SDCCAG8: variants seen among roughly 807,000 people sequenced by gnomAD.
SDCCAG8 encodes SHH signaling and ciliogenesis regulator SDCCAG8, also known as serologically defined colon cancer antigen 8.
In SDCCAG8, 74 loss-of-function variants were observed where a neutral mutation model predicts 101.8. That is an observed-to-expected ratio of 0.73 (90% confidence interval 0.60 to 0.88). The LOEUF (loss-of-function observed/expected upper bound fraction) is 0.88. SDCCAG8 is among the 40% of genes least tolerant of loss of function. The pLI is 0.00. For synonymous variants in SDCCAG8, 281 were observed against 292.9 expected (o/e 0.96, Z 0.41); for missense variants, 787 against 822.6 (o/e 0.96, Z 0.53).
chr1:243,324,044 G>A (rs546570680), intron 9 of SDCCAG8, among the ~76,000 whole-genome samples: 34 of 151,826 alleles, frequency 2.2e-4, no homozygotes, highest in Non-Finnish European at 4.1e-4. Context: ...TTCTCCTCAC[G>A]TGGCCAAATA....
At chr1:243,265,776 G>A (rs2067534204) in intron 1 of SDCCAG8, among the ~76,000 whole-genome samples, 1 of 151,292 alleles carries the variant, frequency 6.6e-6, no homozygotes, top group Non-Finnish European at 1.5e-5. Flanking sequence ...TCGCACCATT[G>A]CACTCCAGCC....
chr1:243,442,065 C>T (rs1258693681), intron 16 of SDCCAG8, among the ~76,000 whole-genome samples: 1 of 152,008 alleles, frequency 6.6e-6, no homozygotes, highest in Non-Finnish European at 1.5e-5. Context: ...TTACAAAATA[C>T]CTCAAATTGG....
intron 4 of SDCCAG8, among the ~76,000 whole-genome samples, chr1:243,283,157 G>A (rs1480016761): frequency 6.6e-6 from 1 of 151,446 alleles, no homozygotes; most frequent in Non-Finnish European, 1.5e-5. Context: ...CTGATTTTTG[G>A]GTTTTCTTTG....
intron 1 of SDCCAG8, among the ~76,000 whole-genome samples, chr1:243,263,483 T>C (rs995734264): frequency 6.6e-6 from 1 of 151,044 alleles, no homozygotes; most frequent in African/African-American, 2.4e-5. Flanking sequence ...TGATTTTACC[T>C]ATGTTCTTTG....
intron 12 of SDCCAG8, among the ~76,000 whole-genome samples, chr1:243,362,121 T>C (rs953767805): frequency 4.1e-5 from 6 of 147,630 alleles, no homozygotes; most frequent in Non-Finnish European, 7.5e-5. Context: ...GGTGAAGAGA[T>C]GGCCAAGTGA....
rs541614238 is a variant in SDCCAG8, at chr1:243,272,860, A to G, written c.307-1683A>G. ...TATAACATATTAGAAATACATGCATATATTGAGAGTAAAACTGAGGCACTG... is the reference window on the plus strand; with the variant it reads ...TATAACATATTAGAAATACATGCATGTATTGAGAGTAAAACTGAGGCACTG... On this transcript the variant is annotated intron_variant, in intron 3 of 17. Transcript: ENST00000366541. Among the ~76,000 whole-genome samples the G allele has an allele frequency of 2.0e-5, 3 of 152,230 alleles. No homozygotes were observed. The East Asian group carries it at 5.8e-4, about 29-fold the overall frequency.
chr1:243,423,442 T>A (rs2081142956), intron 15 of SDCCAG8, among the ~76,000 whole-genome samples: 2 of 152,178 alleles, frequency 1.3e-5, no homozygotes, highest in Non-Finnish European at 2.9e-5. Context: ...TCATTTGATA[T>A]CTAATGAACA....
At chr1:243,415,626 C>T in intron 13 of SDCCAG8, 76 bp from the exon 14 acceptor site, 2 of 1,597,810 alleles carry the variant, frequency 1.3e-6, no homozygotes, top group Non-Finnish European at 1.7e-6. Flanking sequence ...TCAGCTCTCT[C>T]TGGTCTATAG....
chr1:243,333,030 C>G (rs141946684), intron 10 of SDCCAG8, among the ~76,000 whole-genome samples: 55 of 152,318 alleles, frequency 3.6e-4, no homozygotes, highest in African/African-American at 1.3e-3. Flanking sequence ...CAGCAGAGAG[C>G]CTTACTTAAC....
intron 1 of SDCCAG8, among the ~76,000 whole-genome samples, chr1:243,264,704 T>C (rs2067452372): frequency 6.6e-6 from 1 of 152,238 alleles, no homozygotes; most frequent in Non-Finnish European, 1.5e-5. Context: ...CTCATTGTAC[T>C]GATTGATGTT....
intron 16 of SDCCAG8, chr1:243,476,302 G>A (rs1046382496): frequency 5.1e-6 from 5 of 985,330 alleles, no homozygotes; most frequent in South Asian, 4.7e-5. Context: ...GTTCCGTAGC[G>A]GACGGCCAGG....
At chr1:243,353,962 A>G (rs2076246535) in intron 12 of SDCCAG8, among the ~76,000 whole-genome samples, 1 of 152,260 alleles carries the variant, frequency 6.6e-6, no homozygotes, top group African/African-American at 2.4e-5. Flanking sequence ...TTTCCTAGAA[A>G]TAAAGAATTG....
intron 16 of SDCCAG8, among the ~76,000 whole-genome samples, chr1:243,471,047 C>T (rs1486962812): frequency 6.6e-6 from 1 of 152,148 alleles, no homozygotes; most frequent in Non-Finnish European, 1.5e-5. Context: ...CTCAGTCTGT[C>T]TCTCGATCCC....
At chr1:243,355,389 A>G (rs4658560) in intron 12 of SDCCAG8, among the ~76,000 whole-genome samples, 61,322 of 151,682 alleles carry the variant, frequency 0.4, 15,030 homozygotes, top group East Asian at 0.81. Context: ...AAGTAGTAGT[A>G]TTAGCCTTTC....
At chr1:243,357,706 T>C (rs1172675041) in intron 12 of SDCCAG8, among the ~76,000 whole-genome samples, 2 of 152,246 alleles carry the variant, frequency 1.3e-5, no homozygotes, top group Non-Finnish European at 2.9e-5. Flanking sequence ...TAACAACTCT[T>C]ATAGTTTGGT....
chr1:243,356,225 AG>A (rs1368291863), intron 12 of SDCCAG8, among the ~76,000 whole-genome samples: 1 of 152,210 alleles, frequency 6.6e-6, no homozygotes, highest in African/African-American at 2.4e-5. Context: ...GTAGATATAT[AG>A]CTTTCTATAT....
chr1:243,375,078 T>A (rs1464199052), intron 12 of SDCCAG8, among the ~76,000 whole-genome samples: 4 of 152,112 alleles, frequency 2.6e-5, no homozygotes, highest in Non-Finnish European at 5.9e-5. Context: ...ATAATGTAAA[T>A]GAACTACTGA....
At chr1:243,456,812 G>A (rs1446586635) in intron 16 of SDCCAG8, among the ~76,000 whole-genome samples, 1 of 152,078 alleles carries the variant, frequency 6.6e-6, no homozygotes, top group Non-Finnish European at 1.5e-5. Flanking sequence ...ACTTTCTATT[G>A]TAGAATTGGG....
chr1:243,486,202 CAAAAAAAAAAAA>C (rs57724631), intron 16 of SDCCAG8, among the ~76,000 whole-genome samples: 11 of 61,416 alleles, frequency 1.8e-4, no homozygotes, highest in African/African-American at 4.5e-4. Context: ...ACTCTGCCTC[CAAAAAAAAAAAA>C]AAAAAAAAAA....
Sources: gnomAD v4.1 joint callset for allele counts (sites outside exome capture counted in the v4.1 genomes callset) on GRCh38, gnomAD v4.1.1 for gene constraint, MANE v1.5 for transcripts, NCBI Gene and HGNC (gene_info 2026-07-23, HGNC 2026-07-21) for gene names.